The following PLEKHG1 variants were observed in gnomAD, a reference collection of about 807,000 sequenced individuals.
The protein encoded by PLEKHG1 is pleckstrin homology and RhoGEF domain containing G1, also known as pleckstrin homology domain-containing family G member 1.
A neutral mutation model predicts 100.8 loss-of-function variants in PLEKHG1; 44 were observed. That is an observed-to-expected ratio of 0.44 (90% CI 0.34 to 0.56). The LOEUF (loss-of-function observed/expected upper bound fraction) is 0.56, where lower values mean the gene tolerates loss of function less well. PLEKHG1 is among the 20% of genes least tolerant of loss of function. PLEKHG1 has a pLI of 0.01. For missense variants in PLEKHG1, 1,545 were observed against 1,720.9 expected (o/e 0.90, Z 1.81); for synonymous variants, 640 against 662.5 (o/e 0.97, Z 0.52).
chr6:150,779,760 A>T (rs191163261), intron 3 of PLEKHG1, among the ~76,000 whole-genome samples: 1,694 of 151,716 alleles, frequency 0.011, 27 homozygotes, highest in African/African-American at 0.039. Context: ...AGATCAGGAG[A>T]TCAAGACCAT....
At chr6:150,816,424 T>C (rs1775963801) in intron 10 of PLEKHG1, among the ~76,000 whole-genome samples, 1 of 137,486 alleles carries the variant, frequency 7.3e-6, no homozygotes, top group Non-Finnish European at 1.5e-5. Flanking sequence ...CCTTCCCAGG[T>C]TCAAGCAATT....
rs1562374117 is a variant in PLEKHG1, at chr6:150,600,508, A to G, written c.-204+491A>G. On this transcript the variant is annotated intron_variant, in intron 1 of 3. Coordinates refer to the PLEKHG1 transcript ENST00000367326. This position sits in a 1 kb window ranked among gnomAD's most constrained non-coding sequence, Gnocchi z 6.2. ...TCAGCTCCCCAGCAGCGAAGCCGGGAGCCCGAGGACCCGGGGACGCGCGGT... is the reference window on the plus strand; with the variant it reads ...TCAGCTCCCCAGCAGCGAAGCCGGGGGCCCGAGGACCCGGGGACGCGCGGT... Among the ~76,000 whole-genome samples, 1 of 150,508 alleles carries G rather than the reference A, an allele frequency of 6.6e-6. No homozygotes were observed. Among genetic ancestry groups the G allele is most frequent in the Non-Finnish European group, 1.5e-5 (1 of 67,556 alleles).
At chr6:150,800,169 G>A (rs1786602563) in intron 5 of PLEKHG1, among the ~76,000 whole-genome samples, 1 of 152,136 alleles carries the variant, frequency 6.6e-6, no homozygotes, top group Non-Finnish European at 1.5e-5. Context: ...AAGTTACCCA[G>A]GGGAAGAGGT....
exon 16 of PLEKHG1, chr6:150,843,241 C>T (rs1562577337): frequency 6.6e-6 from 1 of 152,164 alleles, no homozygotes; most frequent in Non-Finnish European, 1.5e-5. Context: ...CCTCACTGCA[C>T]GTAAGTGGGT....
At chr6:150,800,358 G>A (rs1042692051) in intron 5 of PLEKHG1, among the ~76,000 whole-genome samples, 32 of 152,188 alleles carry the variant, frequency 2.1e-4, no homozygotes, top group African/African-American at 7.5e-4. Flanking sequence ...GAATACCGAC[G>A]TGCTGTGTGA....
At chr6:150,840,371 C>A (rs1402963706) in exon 16 of PLEKHG1, 5 of 1,614,172 alleles carry the variant, frequency 3.1e-6, no homozygotes, top group Non-Finnish European at 4.2e-6. Flanking sequence ...TGTCTTTACA[C>A]AGAAGTTCAA....
At chr6:150,816,131 G>A (rs1338381386) in intron 10 of PLEKHG1, among the ~76,000 whole-genome samples, 3 of 152,086 alleles carry the variant, frequency 2.0e-5, no homozygotes, top group African/African-American at 4.8e-5. Context: ...ATGGGAGACA[G>A]CGACACCCCA....
intron 3 of PLEKHG1, among the ~76,000 whole-genome samples, chr6:150,668,672 G>C (rs1779487193): frequency 6.6e-6 from 1 of 152,046 alleles, no homozygotes; most frequent in South Asian, 2.1e-4. Flanking sequence ...CTAGCACAAA[G>C]GACTTTAAAA....
chr6:150,807,925 T>C (rs748835711), intron 7 of PLEKHG1, among the ~76,000 whole-genome samples: 98 of 152,160 alleles, frequency 6.4e-4, no homozygotes, highest in African/African-American at 2.2e-3. Context: ...GCCGAGATTG[T>C]GCCACTGCAC....
At chr6:150,675,821 A>G (rs1033301885) in intron 3 of PLEKHG1, among the ~76,000 whole-genome samples, 4 of 152,268 alleles carry the variant, frequency 2.6e-5, no homozygotes, top group African/African-American at 9.6e-5. Context: ...GGGGAAAAGC[A>G]TGAGGATTAT....
chr6:150,752,795 C>T (rs1008030666), intron 2 of PLEKHG1, among the ~76,000 whole-genome samples: 2 of 152,052 alleles, frequency 1.3e-5, no homozygotes, highest in Non-Finnish European at 2.9e-5. Context: ...CCGTCCAACC[C>T]AAAGCAAAAC....
chr6:150,764,162 G>C (rs1247506229), intron 2 of PLEKHG1, among the ~76,000 whole-genome samples: 1 of 147,226 alleles, frequency 6.8e-6, no homozygotes, highest in Non-Finnish European at 1.5e-5. Flanking sequence ...TTGTTGCCCA[G>C]GCTGGAGTGC....
exon 2 of PLEKHG1, chr6:150,733,993 C>T (rs1782431825): frequency 6.2e-7 from 1 of 1,614,196 alleles, no homozygotes. Flanking sequence ...CGATCGCAGA[C>T]TCGGCCACGA....
At chr6:150,603,175 T>C (rs780919972) in intron 1 of PLEKHG1, among the ~76,000 whole-genome samples, 2 of 151,616 alleles carry the variant, frequency 1.3e-5, no homozygotes, top group African/African-American at 2.4e-5. Context: ...GAAATGTTGG[T>C]GTATTCAGGC....
chr6:150,603,925 C>G (rs1450223334), intron 1 of PLEKHG1, among the ~76,000 whole-genome samples: 4 of 152,166 alleles, frequency 2.6e-5, no homozygotes, highest in Non-Finnish European at 4.4e-5. Context: ...CATCTACACC[C>G]ACTTGTAATA....
intron 10 of PLEKHG1, among the ~76,000 whole-genome samples, chr6:150,813,304 CA>C (rs36106888): frequency 3.1e-4 from 38 of 122,394 alleles, no homozygotes; most frequent in South Asian, 9.1e-4. Flanking sequence ...GACTCTGTCT[CA>C]AAAAAAAAAA....
intron 7 of PLEKHG1, among the ~76,000 whole-genome samples, chr6:150,807,750 C>T (rs563167127): frequency 7.0e-4 from 107 of 152,110 alleles, no homozygotes; most frequent in Non-Finnish European, 1.4e-3. Context: ...AAGTGGATCA[C>T]CCGAGATTGG....
At chr6:150,808,887 C>T (rs1787310411) in intron 7 of PLEKHG1, among the ~76,000 whole-genome samples, 1 of 152,192 alleles carries the variant, frequency 6.6e-6, no homozygotes. Context: ...AAGTAATTAG[C>T]AGCTTGTCAG....
chr6:150,716,887 T>C (rs541670167), upstream of PLEKHG1, among the ~76,000 whole-genome samples: 3 of 152,312 alleles, frequency 2.0e-5, no homozygotes, highest in South Asian at 6.2e-4. Flanking sequence ...GCTCTTGCTC[T>C]GTCACCCAGG....
Sources: gnomAD v4.1 joint callset for allele counts (sites outside exome capture counted in the v4.1 genomes callset) on GRCh38, gnomAD v4.1.1 for gene constraint, Gnocchi (gnomAD v3.1) non-coding constraint, MANE v1.5 for transcripts, NCBI Gene and HGNC (gene_info 2026-07-23, HGNC 2026-07-21) for gene names.